Variants in SCN9A observed in about 807,000 individuals in gnomAD.
The protein encoded by SCN9A is sodium voltage-gated channel alpha subunit 9.
A neutral mutation model predicts 187.0 loss-of-function variants in SCN9A; 131 were observed. That is an observed-to-expected ratio of 0.70 (90% CI 0.61 to 0.81). The LOEUF (loss-of-function observed/expected upper bound fraction) is 0.81. Ranked by LOEUF, SCN9A falls within the 30% of genes least tolerant of loss-of-function variation. The pLI, the probability that SCN9A is intolerant of heterozygous loss-of-function variation, is 0.00. For synonymous variants in SCN9A, 809 were observed against 808.6 expected (o/e 1.00, Z -0.01); for missense variants, 2,252 against 2,396.6 (o/e 0.94, Z 1.26).
intron 1 of SCN9A, among the ~76,000 whole-genome samples, chr2:166,320,206 G>A (rs1699203527): frequency 1.3e-5 from 2 of 151,964 alleles, no homozygotes; most frequent in Non-Finnish European, 2.9e-5. Flanking sequence ...AAGGGATAAA[G>A]CAAAAATTGT....
At chr2:166,204,543 T>C (rs1467101139) in intron 24 of SCN9A, 79 bp from the exon 25 acceptor site, 1 of 774,162 alleles carries the variant, frequency 1.3e-6, no homozygotes, top group African/African-American at 1.8e-5. Context: ...CTAAAATAGG[T>C]TAAAATGTGT....
chr2:166,366,544 T>C (rs933682719), intron 1 of SCN9A, among the ~76,000 whole-genome samples: 17 of 152,338 alleles, frequency 1.1e-4, no homozygotes, highest in South Asian at 4.2e-4. Context: ...GGTAGTTCTA[T>C]TTTTAATTTT....
At chr2:166,281,568 T>C in intron 13 of SCN9A, 111 bp downstream of exon 13, 1 of 980,260 alleles carries the variant, frequency 1.0e-6, no homozygotes, top group Non-Finnish European at 1.5e-6. Context: ...TTTAAAACCA[T>C]TTTATGGTCT....
intron 1 of SCN9A, among the ~76,000 whole-genome samples, chr2:166,346,734 T>C (rs1157526788): frequency 2.6e-5 from 4 of 152,160 alleles, no homozygotes; most frequent in African/African-American, 9.6e-5. Context: ...GAGAAACCTA[T>C]CATTGTTCTC....
At chr2:166,322,855 T>C (rs1699277253) in intron 1 of SCN9A, among the ~76,000 whole-genome samples, 1 of 152,162 alleles carries the variant, frequency 6.6e-6, no homozygotes, top group Non-Finnish European at 1.5e-5. Flanking sequence ...ACTAGCTAAA[T>C]GATCTTGGAC....
intron 6 of SCN9A, among the ~76,000 whole-genome samples, chr2:166,303,701 T>C (rs1179334239): frequency 6.6e-6 from 1 of 152,148 alleles, no homozygotes; most frequent in Non-Finnish European, 1.5e-5. Flanking sequence ...TAAAAAACAA[T>C]GTCATGCAAT....
In SCN9A at chr2:166,375,691, A is replaced by C. The variant is rs1433301294; in HGVS notation, c.-51+6T>G. ...CCACAGAAGCAGCAAAAGAAAAGGC[A>C]CTTACTTGCAACCTAGCCCGCCGAT... is the stretch of plus-strand genomic sequence containing the variant. On this transcript the variant is annotated splice_donor_region_variant and intron_variant, in intron 1 of 26. Coordinates refer to ENST00000642356, the MANE Select transcript of SCN9A (RefSeq NM_001365536.1). 1.3e-5 allele frequency: 2 copies of C among 152,362 alleles called. No homozygotes were observed. Among genetic ancestry groups the C allele is most frequent in the African/African-American group, 4.8e-5 (2 of 41,460 alleles). 9.4% of individuals were successfully genotyped at this position (152,362 alleles called of 1,614,324 possible).
Position 166,288,473 on chromosome 2 carries a change from C to T in SCN9A, c.1278G>A (p.Met426Ile), listed in dbSNP as rs558239794. Reference sequence around the variant, plus strand: ...CTTGCTCTTTTTTAAGACGGTCTAACATCTGTTGAAATTCTAATTCTTTCT... The same window carrying T: ...CTTGCTCTTTTTTAAGACGGTCTAATATCTGTTGAAATTCTAATTCTTTCT... Reference protein sequence around the residue: ...AKQKELEFQQMLDRLKKEQEE... With the variant: ...AKQKELEFQQILDRLKKEQEE... Residue 426 changes from methionine (M) to isoleucine (I), a missense_variant, in exon 10 of 27, where the codon ATG becomes ATA. This residue lies in a region of SCN9A where 1,013 missense variants were observed against 997.4 expected (regional missense o/e 1.02). Coordinates refer to ENST00000642356, the MANE Select transcript of SCN9A (RefSeq NM_001365536.1). 4 of 1,612,626 alleles carry T rather than the reference C, an allele frequency of 2.5e-6. No individual in the cohort carries two copies. In the African/African-American group the frequency reaches 5.3e-5, roughly 22 times the overall value.
chr2:166,220,074 C>T (rs997285727), intron 24 of SCN9A, among the ~76,000 whole-genome samples: 16 of 152,072 alleles, frequency 1.1e-4, no homozygotes, highest in East Asian at 3.8e-4. Flanking sequence ...TCATGTACTA[C>T]GACCAAGTGG....
chr2:166,300,033 C>T (rs552720390), intron 7 of SCN9A, among the ~76,000 whole-genome samples: 1 of 150,826 alleles, frequency 6.6e-6, no homozygotes, highest in Non-Finnish European at 1.5e-5. Flanking sequence ...CTAGATGAAA[C>T]CTTTATTTTC....
At chr2:166,320,573 T>A (rs1219302137) in intron 1 of SCN9A, among the ~76,000 whole-genome samples, 1 of 152,176 alleles carries the variant, frequency 6.6e-6, no homozygotes, top group Admixed American at 6.5e-5. Context: ...AGATGAATAC[T>A]GAACACTTCA....
At chr2:166,319,719 A>G (rs1486315873) in intron 1 of SCN9A, among the ~76,000 whole-genome samples, 1 of 152,172 alleles carries the variant, frequency 6.6e-6, no homozygotes, top group African/African-American at 2.4e-5. Context: ...AAGTACAATT[A>G]TAGAACTTTA....
At chr2:166,370,273 G>C (rs981915448) in intron 1 of SCN9A, among the ~76,000 whole-genome samples, 1 of 148,730 alleles carries the variant, frequency 6.7e-6, no homozygotes, top group Admixed American at 6.7e-5. Flanking sequence ...GCTGAGCGCG[G>C]TGGCTCATGC....
intron 1 of SCN9A, among the ~76,000 whole-genome samples, chr2:166,318,512 G>A (rs1699162495): frequency 1.3e-5 from 2 of 151,864 alleles, no homozygotes; most frequent in Non-Finnish European, 2.9e-5. Context: ...AAACATTGTG[G>A]GATATTGAGA....
intron 11 of SCN9A, among the ~76,000 whole-genome samples, chr2:166,285,865 T>C (rs932910182): frequency 1.3e-5 from 2 of 152,050 alleles, no homozygotes; most frequent in African/African-American, 2.4e-5. Flanking sequence ...TACATATTAG[T>C]AGTTGATGTG....
At chr2:166,373,124 A>G (rs925368709) in intron 1 of SCN9A, among the ~76,000 whole-genome samples, 1 of 152,152 alleles carries the variant, frequency 6.6e-6, no homozygotes, top group Admixed American at 6.5e-5. Flanking sequence ...AAAGAGTGCT[A>G]TTGTTTCATG....
chr2:166,321,221 A>G (rs1699229748), intron 1 of SCN9A, among the ~76,000 whole-genome samples: 1 of 152,232 alleles, frequency 6.6e-6, no homozygotes. Context: ...AAGGATAAAC[A>G]TAAATTCCAT....
intron 26 of SCN9A, among the ~76,000 whole-genome samples, chr2:166,203,408 G>A (rs1336850398): frequency 1.3e-5 from 2 of 151,892 alleles, no homozygotes; most frequent in African/African-American, 4.8e-5. Context: ...ATCATGTGCT[G>A]TTATTCACAG....
At chr2:166,200,647 A>G (rs1306003895) in intron 26 of SCN9A, among the ~76,000 whole-genome samples, 2 of 151,956 alleles carry the variant, frequency 1.3e-5, no homozygotes, top group African/African-American at 4.8e-5. Flanking sequence ...CTATTTATTT[A>G]TTTTTCAAGA....
Sources: gnomAD v4.1 joint callset for allele counts (sites outside exome capture counted in the v4.1 genomes callset) on GRCh38, gnomAD v4.1.1 for gene constraint, gnomAD v4.1.1 regional missense constraint, MANE v1.5 for transcripts, NCBI Gene and HGNC (gene_info 2026-07-23, HGNC 2026-07-21) for gene names.